Variants in ITGA3 observed in about 807,000 individuals in gnomAD.
ITGA3 encodes the protein integrin alpha-3.
Under a neutral mutation model 131.1 loss-of-function variants are expected in ITGA3, and 70 were observed. That is an observed-to-expected ratio of 0.53 (90% CI 0.44 to 0.65). ITGA3 has a LOEUF of 0.65. Among genes scored for constraint, ITGA3 ranks in the 30% least tolerant of loss-of-function variants. The pLI is 0.00. For missense variants in ITGA3, 1,098 were observed against 1,388.6 expected, an observed-to-expected ratio of 0.79 and a Z score of 3.33; for synonymous variants, 537 against 571.6, an observed-to-expected ratio of 0.94 and a Z score of 0.86.
chr17:50,064,854 C>T lies in ITGA3; in HGVS notation c.414+247C>T, dbSNP rs1456440096. 11 of 430,978 alleles carry T rather than the reference C, an allele frequency of 2.6e-5. No individual in the cohort carries two copies. In the East Asian group the frequency reaches 4.5e-4, roughly 18 times the overall value. The allele number at this position is 430,978 out of a possible 1,614,324, so 26.7% of individuals were successfully genotyped here. ...CTGACTCATCCACTTCCTCCGCATG[C>T]CTACACTGGGTGCTCAGCCTTCGTG... On this transcript the variant is annotated intron_variant, in intron 3 of 25. Coordinates refer to ENST00000320031, the MANE Select transcript of ITGA3 (RefSeq NM_002204.4). This position sits in a 1 kb window ranked among gnomAD's most constrained non-coding sequence, Gnocchi z 4.4.
chr17:50,056,420 C>A lies in ITGA3; in HGVS notation c.-20C>A. The A allele has an allele frequency of 6.8e-7, 1 of 1,460,360 alleles. No homozygotes were observed. Among genetic ancestry groups the A allele is most frequent in the Non-Finnish European group, 9.0e-7 (1 of 1,110,032 alleles). The allele number at this position is 1,460,360 out of a possible 1,614,324, so 90.5% of individuals were successfully genotyped here. ...GCGCCCTCACGCGCTCTCGCCGGGA[C>A]CCCGCTTCCGCTGGCAGCCATGGGC... On this transcript the variant is annotated 5_prime_UTR_variant, in exon 1 of 26. Transcript: ENST00000320031. This position sits in a 1 kb window ranked among gnomAD's most constrained non-coding sequence, Gnocchi z 5.6.
chr17:50,077,334 C>A, intron 15 of ITGA3, 45 bp from the exon 16 acceptor site: 3 of 1,542,966 alleles, frequency 1.9e-6, no homozygotes, highest in Non-Finnish European at 2.7e-6. Flanking sequence ...GGAGGACAAG[C>A]CCTACTTTGA....
At position 50,076,399 on chromosome 17, in the gene ITGA3, G is replaced by A. The variant is rs1908894949; in HGVS notation, c.1748G>A (p.Arg583His). Reference sequence around the variant, plus strand: ...TCTTTACCTTTGCGGATGCCCGATCGCCCCCGGCTGGGGCTGCGGTCCCTG... The same window carrying A: ...TCTTTACCTTTGCGGATGCCCGATCACCCCCGGCTGGGGCTGCGGTCCCTG... ...NYSLPLRMPD[R>H]PRLGLRSLDA... The change falls in exon 13 of 26, where the codon CGC becomes CAC. Residue 583 changes from arginine to histidine, a missense_variant. Physicochemically the swap from Arg to His is conservative, Grantham distance 29. Coordinates refer to ENST00000320031, the MANE Select transcript of ITGA3 (RefSeq NM_002204.4). The A allele has an allele frequency of 6.2e-7, 1 of 1,612,718 alleles. No homozygotes were observed. Among genetic ancestry groups the A allele is most frequent in the Non-Finnish European group, 8.5e-7 (1 of 1,179,954 alleles).
chr17:50,084,338 G>A (rs1432789138), intron 23 of ITGA3, among the ~76,000 whole-genome samples: 9 of 151,226 alleles, frequency 6.0e-5, no homozygotes, highest in East Asian at 1.9e-4. Context: ...TTTAGGAGAC[G>A]AAGTTTTCAG....
At position 50,090,201 on chromosome 17, in the gene ITGA3, G is replaced by C. The variant is rs564397641; in HGVS notation, c.*1123G>C. ...CCCACCCCATCCAGCCAGACCCCAC[G>C]CTGACCATGCGTCAGGGGCCTAGAG... On this transcript the variant is annotated 3_prime_UTR_variant, in exon 26 of 26. Transcript: ENST00000320031. 4 of 456,152 alleles carry C rather than the reference G, an allele frequency of 8.8e-6. No homozygotes were observed. Among genetic ancestry groups the C allele is most frequent in the Non-Finnish European group, 1.8e-5 (4 of 226,614 alleles). The allele number at this position is 456,152 out of a possible 1,614,324, so 28.3% of individuals were successfully genotyped here.
In ITGA3 at chr17:50,074,133, C is replaced by G. The variant is rs1009628995; in HGVS notation, c.1246-11C>G. On this transcript the variant is annotated splice_polypyrimidine_tract_variant and intron_variant, in intron 8 of 25. Coordinates refer to ENST00000320031, the MANE Select transcript of ITGA3 (RefSeq NM_002204.4). ...CCAGAGCCTGCCCCCACCACTTTCC[C>G]CTGCCCCCAGGTAATCCATGGAGAG... The G allele has an allele frequency of 1.2e-6, 2 of 1,613,086 alleles. No homozygotes were observed. The highest frequency in any genetic ancestry group is 1.7e-6 in the Non-Finnish European group (2 of 1,179,254).
At chr17:50,084,656 A>C (rs187390043) in intron 23 of ITGA3, among the ~76,000 whole-genome samples, 2 of 152,198 alleles carry the variant, frequency 1.3e-5, no homozygotes, top group African/African-American at 4.8e-5. Flanking sequence ...ATGGTGGCTT[A>C]TGCCTATAAT....
At chr17:50,062,076 C>T (rs548635257) in intron 1 of ITGA3, among the ~76,000 whole-genome samples, 1 of 152,000 alleles carries the variant, frequency 6.6e-6, no homozygotes, top group South Asian at 2.1e-4. Context: ...AAAGAAATTC[C>T]TGGGTCCCTG....
chr17:50,074,656 C>A (rs747117371), intron 10 of ITGA3, 122 bp downstream of exon 10: 9 of 702,648 alleles, frequency 1.3e-5, no homozygotes, highest in Non-Finnish European at 1.9e-5. Flanking sequence ...TTCTTGGGGC[C>A]AGCATTTGCC....
intron 1 of ITGA3, among the ~76,000 whole-genome samples, chr17:50,058,780 C>A (rs1040841571): frequency 6.6e-6 from 1 of 152,204 alleles, no homozygotes; most frequent in Admixed American, 6.5e-5. Flanking sequence ...AAACAGCTGC[C>A]TGAGTGCACA....
chr17:50,060,436 C>A (rs1296324964), intron 1 of ITGA3, among the ~76,000 whole-genome samples: 6 of 152,236 alleles, frequency 3.9e-5, no homozygotes, highest in Non-Finnish European at 8.8e-5. Context: ...TGTGCCGCGC[C>A]CTTCTTTGAT....
intron 23 of ITGA3, among the ~76,000 whole-genome samples, chr17:50,084,842 G>A (rs1909318943): frequency 6.6e-6 from 1 of 152,180 alleles, no homozygotes; most frequent in African/African-American, 2.4e-5. Flanking sequence ...TTGAGCCCAG[G>A]AGGTGGAGTC....
rs369636566 is a variant in ITGA3 at position 50,058,516 on chromosome 17, C to T, written c.206+1871C>T. Among the ~76,000 whole-genome samples the T allele has an allele frequency of 1.4e-4, 22 of 152,364 alleles. No individual in the cohort carries two copies. The East Asian group carries it at 2.9e-3, about 20-fold the overall frequency. The stretch of plus-strand genomic sequence containing the variant: ...ATGCATCCTCATTACCCATGGGCCC[C>T]GCCCAGGGTGGCTGAGCAAAGGGGT... On this transcript the variant is annotated intron_variant, in intron 1 of 25. Transcript: ENST00000320031.
At chr17:50,072,545 G>A (rs1241079817) in intron 7 of ITGA3, among the ~76,000 whole-genome samples, 2 of 151,890 alleles carry the variant, frequency 1.3e-5, no homozygotes, top group Admixed American at 6.6e-5. Flanking sequence ...GAGGGGGAGT[G>A]GGGTGGGGTG....
chr17:50,078,417 AT>A, intron 18 of ITGA3, 133 bp downstream of exon 18: 1 of 652,782 alleles, frequency 1.5e-6, no homozygotes, highest in African/African-American at 1.8e-5. Context: ...CTTTCCCTGG[AT>A]CATCCTTTTC....
At position 50,064,373 on chromosome 17, in the gene ITGA3, T is replaced by C; in HGVS notation, c.335-155T>C. The stretch of plus-strand genomic sequence containing the variant: ...GGAGAGTGGGGCTGGATGGGATTGG[T>C]AGAGCTCAGAATAATGACGAGCTGG... On this transcript the variant is annotated intron_variant, in intron 2 of 25. Transcript: ENST00000320031. The surrounding 1 kb of genome is among the most constrained non-coding windows in gnomAD (Gnocchi z 4.4). 1 of 1,129,262 alleles carries C rather than the reference T, an allele frequency of 8.9e-7. No homozygotes were observed. The highest frequency in any genetic ancestry group is 1.3e-6 in the Non-Finnish European group (1 of 793,692). The allele number at this position is 1,129,262 out of a possible 1,614,324, so 70.0% of individuals were successfully genotyped here. A position where few individuals can be genotyped will look rare whatever the true frequency, so the allele number is the denominator to read the frequency against.
intron 25 of ITGA3, 21 bp downstream of exon 25, chr17:50,088,387 C>T: frequency 7.4e-7 from 1 of 1,347,528 alleles, no homozygotes; most frequent in Non-Finnish European, 1.0e-6. Context: ...CTCCGGGCCC[C>T]CTTCCCCGAG....
At chr17:50,058,721 T>C (rs752157644) in intron 1 of ITGA3, among the ~76,000 whole-genome samples, 10 of 152,184 alleles carry the variant, frequency 6.6e-5, no homozygotes, top group Non-Finnish European at 8.8e-5. Flanking sequence ...CCTCGGCCAT[T>C]TGGGAGAGCC....
chr17:50,076,841 C>A (rs994415285), intron 14 of ITGA3, 133 bp from the exon 15 acceptor site: 9 of 1,188,580 alleles, frequency 7.6e-6, no homozygotes, highest in Non-Finnish European at 1.1e-5. Context: ...CCTCCAGGTG[C>A]GACTAGAGGA....
Sources: allele counts gnomAD v4.1 joint callset (sites outside exome capture counted in the v4.1 genomes callset), GRCh38; gene constraint gnomAD v4.1.1; non-coding constraint Gnocchi (gnomAD v3.1); transcripts MANE v1.5; gene names NCBI Gene and HGNC (gene_info 2026-07-23, HGNC 2026-07-21).